Variants in EXT1 observed in about 807,000 individuals in gnomAD.
EXT1 encodes exostosin-1.
Under a neutral mutation model 82.5 loss-of-function variants are expected in EXT1, and 20 were observed. That is an observed-to-expected ratio of 0.24 (90% confidence interval 0.17 to 0.35). The LOEUF (loss-of-function observed/expected upper bound fraction) is 0.35, where lower values mean the gene tolerates loss of function less well. Ranked by LOEUF, EXT1 falls within the 10% of genes least tolerant of loss-of-function variation. The pLI, the probability that EXT1 is intolerant of heterozygous loss-of-function variation, is 1.00. For missense variants in EXT1, 757 were observed against 936.5 expected, an observed-to-expected ratio of 0.81 and a Z score of 2.50; for synonymous variants, 348 against 350.8, an observed-to-expected ratio of 0.99 and a Z score of 0.09.
chr8:118,068,172 C>A (rs1432712595), intron 1 of EXT1, among the ~76,000 whole-genome samples: 1 of 152,220 alleles, frequency 6.6e-6, no homozygotes, highest in Non-Finnish European at 1.5e-5. Flanking sequence ...AGTGCCAGAG[C>A]TGAGCCTGGA....
intron 9 of EXT1, 35 bp from the exon 10 acceptor site, chr8:117,804,928 A>C (rs1263517648): frequency 6.2e-7 from 1 of 1,608,824 alleles, no homozygotes; most frequent in African/African-American, 1.3e-5. Flanking sequence ...ACAGGGGGCC[A>C]TTATCACATG....
intron 8 of EXT1, among the ~76,000 whole-genome samples, chr8:117,808,926 A>G (rs1823274489): frequency 6.6e-6 from 1 of 151,740 alleles, no homozygotes; most frequent in Non-Finnish European, 1.5e-5. Context: ...GGAAGGAGGA[A>G]TTCCTCCCCT....
At chr8:118,104,976 A>T (rs978353170) in intron 1 of EXT1, among the ~76,000 whole-genome samples, 10 of 152,194 alleles carry the variant, frequency 6.6e-5, no homozygotes, top group African/African-American at 2.4e-4. Flanking sequence ...CCGTGAAAAG[A>T]ACAGACAACT....
At chr8:118,020,272 T>C (rs1816077185) in intron 1 of EXT1, among the ~76,000 whole-genome samples, 1 of 152,164 alleles carries the variant, frequency 6.6e-6, no homozygotes, top group African/African-American at 2.4e-5. Flanking sequence ...ACTCTAACAC[T>C]ACTAAAGAGT....
chr8:117,815,112 T>C (rs954471938), intron 7 of EXT1, among the ~76,000 whole-genome samples: 6 of 152,228 alleles, frequency 3.9e-5, no homozygotes, highest in African/African-American at 1.4e-4. Context: ...GTGCTCAGAA[T>C]TCTCAGCCTG....
chr8:118,041,808 C>T (rs556732232), intron 1 of EXT1, among the ~76,000 whole-genome samples: 140 of 152,074 alleles, frequency 9.2e-4, no homozygotes, highest in African/African-American at 1.1e-3. Context: ...ATTAGCTCGG[C>T]GTGGTGGCAC....
chr8:118,111,432 T>TACAC lies in EXT1; in HGVS notation c.-387_-386insGTGT. On this transcript the variant is annotated 5_prime_UTR_variant, in exon 1 of 11. Coordinates refer to ENST00000378204, the MANE Select transcript of EXT1 (RefSeq NM_000127.3). The stretch of plus-strand genomic sequence containing the variant: ...GGCAAGACGAAGTGATTGCCTTGCC[T>TACAC]CTCGGATTCCTCTCGGCAGCGTGGA... 1.9e-6 allele frequency: 1 copy of TACAC among 520,484 alleles called. No individual in the cohort carries two copies. Among genetic ancestry groups the TACAC allele is most frequent in the Admixed American group, 3.6e-5 (1 of 28,118 alleles). The allele number at this position is 520,484 out of a possible 1,614,324, so 32.2% of individuals were successfully genotyped here. A position where few individuals can be genotyped will look rare whatever the true frequency, so the allele number is the denominator to read the frequency against.
At chr8:117,878,801 C>T (rs918849339) in intron 1 of EXT1, among the ~76,000 whole-genome samples, 3 of 152,224 alleles carry the variant, frequency 2.0e-5, no homozygotes, top group Non-Finnish European at 4.4e-5. Flanking sequence ...ACAGGCACAA[C>T]AGTATGATGA....
At chr8:118,006,721 A>C (rs1815783495) in intron 1 of EXT1, among the ~76,000 whole-genome samples, 1 of 152,228 alleles carries the variant, frequency 6.6e-6, no homozygotes, top group Non-Finnish European at 1.5e-5. Flanking sequence ...TCACATTTTT[A>C]AAGAGTTGCT....
At chr8:118,081,774 G>A (rs903415342) in intron 1 of EXT1, among the ~76,000 whole-genome samples, 3 of 152,188 alleles carry the variant, frequency 2.0e-5, no homozygotes, top group Admixed American at 6.5e-5. Context: ...CGTATTTTCT[G>A]CAGAAGCCCT....
intron 1 of EXT1, among the ~76,000 whole-genome samples, chr8:117,857,292 A>C (rs1013114571): frequency 6.6e-6 from 1 of 152,202 alleles, no homozygotes; most frequent in Non-Finnish European, 1.5e-5. Context: ...ACAGTGGCTC[A>C]TGCCTGTAAT....
chr8:118,041,805 C>G (rs13282822), intron 1 of EXT1, among the ~76,000 whole-genome samples: 79,286 of 151,754 alleles, frequency 0.52, 22,210 homozygotes, highest in African/African-American at 0.72. Context: ...AAAATTAGCT[C>G]GGCGTGGTGG....
intron 1 of EXT1, among the ~76,000 whole-genome samples, chr8:117,978,664 A>G (rs1009326557): frequency 1.3e-5 from 2 of 152,234 alleles, no homozygotes; most frequent in African/African-American, 4.8e-5. Context: ...CAAATGTATC[A>G]CAGCTGCGTG....
At chr8:117,931,091 C>A (rs1182956886) in intron 1 of EXT1, among the ~76,000 whole-genome samples, 3 of 152,168 alleles carry the variant, frequency 2.0e-5, no homozygotes, top group African/African-American at 7.2e-5. Context: ...AATAATCCAC[C>A]CTTTGTTTAA....
intron 1 of EXT1, among the ~76,000 whole-genome samples, chr8:117,945,429 T>C (rs961916386): frequency 2.0e-5 from 3 of 152,158 alleles, no homozygotes; most frequent in South Asian, 2.1e-4. Context: ...TTGATGCCAT[T>C]TGGGCAAAGG....
chr8:117,832,569 T>A (rs1812119990), intron 3 of EXT1, among the ~76,000 whole-genome samples: 2 of 151,866 alleles, frequency 1.3e-5, no homozygotes, highest in African/African-American at 4.8e-5. Flanking sequence ...AAAGCTGTCA[T>A]TGCTATATAG....
intron 1 of EXT1, among the ~76,000 whole-genome samples, chr8:117,985,499 T>C (rs1408608361): frequency 6.6e-6 from 1 of 152,146 alleles, no homozygotes; most frequent in Non-Finnish European, 1.5e-5. Flanking sequence ...GTTCCTAGTG[T>C]GGCAAAATAG....
At chr8:117,986,282 T>G (rs1815318308) in intron 1 of EXT1, among the ~76,000 whole-genome samples, 1 of 151,672 alleles carries the variant, frequency 6.6e-6, no homozygotes, top group Non-Finnish European at 1.5e-5. Flanking sequence ...CTCTGCCTCC[T>G]GGGTTCAAGC....
chr8:117,828,882 C>T (rs1367267064), intron 4 of EXT1, among the ~76,000 whole-genome samples: 2 of 152,136 alleles, frequency 1.3e-5, no homozygotes, highest in African/African-American at 4.8e-5. Flanking sequence ...CCAAGCTCAG[C>T]ATGGGGTGGA....
Sources: allele counts gnomAD v4.1 joint callset (sites outside exome capture counted in the v4.1 genomes callset), GRCh38; gene constraint gnomAD v4.1.1; transcripts MANE v1.5; gene names NCBI Gene and HGNC (gene_info 2026-07-23, HGNC 2026-07-21).